DNAJC19: variants seen among roughly 807,000 people sequenced by gnomAD.
DNAJC19 encodes the protein mitochondrial import inner membrane translocase subunit TIM14.
Under a neutral mutation model 19.8 loss-of-function variants are expected in DNAJC19, and 15 were observed. That is an observed-to-expected ratio of 0.76 (90% CI 0.51 to 1.17). DNAJC19 has a LOEUF of 1.17. DNAJC19 is among the 50% of genes most tolerant of loss of function. DNAJC19 has a pLI of 0.00. For missense variants in DNAJC19, 105 were observed against 140.9 expected (o/e 0.75, Z 1.29); for synonymous variants, 38 against 42.1 (o/e 0.90, Z 0.38).
Position 180,985,891 on chromosome 3 carries a change from C to G in DNAJC19, c.280+35G>C, listed in dbSNP as rs1553783006. On this transcript the variant is annotated intron_variant, in intron 5 of 5. Coordinates refer to ENST00000382564, the MANE Select transcript of DNAJC19 (RefSeq NM_145261.4). ...ATCCCATTAATAACTATTGGTCACA[C>G]CAACAACATCAACGAGAATTTAATG... 8 of 1,575,292 alleles carry G rather than the reference C, an allele frequency of 5.1e-6. No homozygotes were observed. The South Asian group carries it at 8.9e-5, about 17-fold the overall frequency.
intron 5 of DNAJC19, chr3:180,985,595 T>A (rs1331781679): frequency 7.3e-6 from 2 of 273,046 alleles, no homozygotes; most frequent in South Asian, 4.6e-5. Flanking sequence ...CATAAGTTTC[T>A]ATCTAGGTAA....
At position 180,989,640 on chromosome 3, in the gene DNAJC19, G is replaced by C; in HGVS notation, c.-38C>G. ...GCTCCCTTGCTTCCACCGGGAGCACGGCTCATCCCAGCTCAGAGGCCGCGG... is the reference window on the plus strand; with the variant it reads ...GCTCCCTTGCTTCCACCGGGAGCACCGCTCATCCCAGCTCAGAGGCCGCGG... On this transcript the variant is annotated 5_prime_UTR_variant, in exon 1 of 6. Coordinates refer to ENST00000382564, the MANE Select transcript of DNAJC19 (RefSeq NM_145261.4). 2 of 1,582,526 alleles carry C rather than the reference G, an allele frequency of 1.3e-6. No homozygotes were observed. The highest frequency in any genetic ancestry group is 2.3e-5 in the East Asian group (1 of 43,326).
chr3:180,988,093 C>A lies in DNAJC19; in HGVS notation c.59G>T (p.Arg20Leu), dbSNP rs756192515. Residue 20 changes from arginine to leucine, a missense_variant, in exon 3 of 6, where the codon CGT becomes CTT. Physicochemically the swap from Arg to Leu is moderately radical, Grantham distance 102. Coordinates refer to ENST00000382564, the MANE Select transcript of DNAJC19 (RefSeq NM_145261.4). Reference protein sequence around the residue: ...LTIAAAGFAGRYVLQAMKHME... With the variant: ...LTIAAAGFAGLYVLQAMKHME... The stretch of plus-strand genomic sequence containing the variant: ...ATGCTTCATGGCTTGCAAAACGTAA[C>A]GGCCTAAAACCAAAAGCAACAGAAT... The A allele has an allele frequency of 1.9e-6, 3 of 1,614,126 alleles. No individual in the cohort carries two copies. In the South Asian group the frequency reaches 3.3e-5, roughly 18 times the overall value.
intron 1 of DNAJC19, 132 bp from the exon 2 acceptor site, chr3:180,988,361 T>C (rs537881208): frequency 7.0e-5 from 75 of 1,078,470 alleles, no homozygotes; most frequent in East Asian, 1.8e-4. Flanking sequence ...TTCTTTTTTT[T>C]TTTTTTTTTT....
chr3:180,984,854 T>C (rs762279722), intron 5 of DNAJC19, 144 bp from the exon 6 acceptor site: 2 of 596,592 alleles, frequency 3.4e-6, no homozygotes, highest in Non-Finnish European at 5.9e-6. Context: ...AAAATAACCC[T>C]GACACTGCAA....
At chr3:180,987,422 G>GAT (rs1255531694) in intron 3 of DNAJC19, 1 of 272,130 alleles carries the variant, frequency 3.7e-6, no homozygotes, top group Non-Finnish European at 7.1e-6. Context: ...AAGACTTTAA[G>GAT]ATATATATAC....
At chr3:180,987,643 TGTTTGGGA>T (rs1714979442) in intron 3 of DNAJC19, 1 of 329,994 alleles carries the variant, frequency 3.0e-6, no homozygotes, top group Admixed American at 4.4e-5. Context: ...CTATGTATGA[TGTTTGGGA>T]GTGCCAGGGC....
At position 180,988,024 on chromosome 3, in the gene DNAJC19, G is replaced by A. The variant is rs758145013; in HGVS notation, c.128C>T (p.Ser43Phe). 12 of 1,614,148 alleles carry A rather than the reference G, an allele frequency of 7.4e-6. No homozygotes were observed. Among genetic ancestry groups the A allele is most frequent in the Non-Finnish European group, 1.0e-5 (12 of 1,180,006 alleles). Residue 43 changes from serine to phenylalanine, a missense_variant and splice_region_variant, in exon 3 of 6, where the codon TCT (serine) becomes TTT (phenylalanine). Coordinates refer to ENST00000382564, the MANE Select transcript of DNAJC19 (RefSeq NM_145261.4). ...VKQVFQSLPK[S>F]AFSGGYYRGG... ...AGCAAAGAATTAACAAAGTCTTACA[G>A]ATTTTGGTAGGCTTTGAAAAACTTG... is the stretch of plus-strand genomic sequence containing the variant.
chr3:180,985,553 T>C (rs917075166), intron 5 of DNAJC19: 7 of 226,430 alleles, frequency 3.1e-5, no homozygotes, highest in Non-Finnish European at 4.4e-5. Flanking sequence ...CAAGGCTGCA[T>C]AGAAGTCTAT....
At chr3:180,987,708 G>A (rs1714982899) in intron 3 of DNAJC19, 1 of 396,740 alleles carries the variant, frequency 2.5e-6, no homozygotes, top group Non-Finnish European at 4.8e-6. Flanking sequence ...CTCTGTGTGT[G>A]CGATGCAGAG....
chr3:180,989,727 TACGCAAC>T lies in DNAJC19; in HGVS notation c.-132_-126del, dbSNP rs1245228772. 6.8e-7 allele frequency: 1 copy of T among 1,480,598 alleles called. No homozygotes were observed. Among genetic ancestry groups the T allele is most frequent in the Non-Finnish European group, 9.2e-7 (1 of 1,090,728 alleles). 91.7% of individuals were successfully genotyped at this position (1,480,598 alleles called of 1,614,324 possible). On this transcript the variant is annotated 5_prime_UTR_variant, in exon 1 of 6. Coordinates refer to ENST00000382564, the MANE Select transcript of DNAJC19 (RefSeq NM_145261.4). ...CCCCCAACCTCAAGCACAGGCGCCC[TACGCAAC>T]ACGGCAGGAGCAGCCGCAAACTAGG...
chr3:180,988,730 G>A (rs1019130620), intron 1 of DNAJC19, among the ~76,000 whole-genome samples: 3 of 151,956 alleles, frequency 2.0e-5, no homozygotes, highest in Non-Finnish European at 4.4e-5. Context: ...TAGGCCAGGC[G>A]CGGTGGCTCA....
At position 180,985,867 on chromosome 3, in the gene DNAJC19, T is replaced by C. The variant is rs960731689; in HGVS notation, c.280+59A>G. 10 of 1,390,670 alleles carry C rather than the reference T, an allele frequency of 7.2e-6. No individual in the cohort carries two copies. The East Asian group carries it at 2.1e-4, about 29-fold the overall frequency. The allele number at this position is 1,390,670 out of a possible 1,614,324, so 86.1% of individuals were successfully genotyped here. On this transcript the variant is annotated intron_variant, in intron 5 of 5. Transcript: ENST00000382564. ...TAGCCAGGAATTTGAGATAAAATTA[T>C]CCCATTAATAACTATTGGTCACACC...
At chr3:180,986,796 T>C (rs772961331) in intron 4 of DNAJC19, 147 bp downstream of exon 4, 6 of 706,790 alleles carry the variant, frequency 8.5e-6, no homozygotes, top group Non-Finnish European at 1.5e-5. Context: ...AACAGTACAG[T>C]TTCATTGATT....
chr3:180,989,384 C>G, intron 1 of DNAJC19: 4 of 1,433,730 alleles, frequency 2.8e-6, no homozygotes, highest in Non-Finnish European at 3.6e-6. Flanking sequence ...GGACAAGAAG[C>G]TGGAGAACCG....
Position 180,985,962 on chromosome 3 carries a change from G to T in DNAJC19, c.244C>A (p.His82Asn). The T allele has an allele frequency of 1.2e-6, 2 of 1,613,548 alleles. No individual in the cohort carries two copies. The highest frequency in any genetic ancestry group is 1.3e-5 in the African/African-American group (1 of 75,030). The change falls in exon 5 of 6, where the codon CAT becomes AAT. Residue 82 changes from histidine (H) to asparagine (N), a missense_variant. Coordinates refer to ENST00000382564, the MANE Select transcript of DNAJC19 (RefSeq NM_145261.4). ...TGATTTAAAAGCATAATTCGTCGATGAGCATCTCTTATTTTCCCTTTATTG... is the reference window on the plus strand; with the variant it reads ...TGATTTAAAAGCATAATTCGTCGATTAGCATCTCTTATTTTCCCTTTATTG... ...TANKGKIRDAHRRIMLLNHPD... is the reference protein window; with the variant it reads ...TANKGKIRDANRRIMLLNHPD...
At chr3:180,988,742 G>C (rs1715042729) in intron 1 of DNAJC19, among the ~76,000 whole-genome samples, 1 of 151,854 alleles carries the variant, frequency 6.6e-6, no homozygotes, top group Non-Finnish European at 1.5e-5. Context: ...GGTGGCTCAC[G>C]CCTGTAATTC....
Position 180,986,817 on chromosome 3 carries a change from A to G in DNAJC19, c.209+126T>C. ...ACAGTTTCATTGATTAGAATTGGTA[A>G]TATCAATCTTCCTAGGACAAAATCC... On this transcript the variant is annotated intron_variant, in intron 4 of 5. Coordinates refer to ENST00000382564, the MANE Select transcript of DNAJC19 (RefSeq NM_145261.4). The G allele has an allele frequency of 3.8e-6, 3 of 780,020 alleles. No homozygotes were observed. In the South Asian group the frequency reaches 4.5e-5, roughly 12 times the overall value. The allele number at this position is 780,020 out of a possible 1,614,324, so 48.3% of individuals were successfully genotyped here. A position where few individuals can be genotyped will look rare whatever the true frequency, so the allele number is the denominator to read the frequency against.
Position 180,988,221 on chromosome 3 carries a change from T to C in DNAJC19, c.12A>G (p.Thr4=). The C allele has an allele frequency of 6.2e-7, 1 of 1,614,192 alleles. No homozygotes were observed. ...CAATGGTCAGTCCAACTGCTACCAC[T>C]GTACTGGCCTGGTAAGGGGGAGAAG... MAS[T]VVAVGLTIAA... is the part of the protein sequence containing the mutation. The change falls in exon 2 of 6, where the codon ACA becomes ACG. Residue 4 remains threonine, a synonymous_variant. Coordinates refer to ENST00000382564, the MANE Select transcript of DNAJC19 (RefSeq NM_145261.4).
Sources: gnomAD v4.1 joint callset for allele counts (sites outside exome capture counted in the v4.1 genomes callset) on GRCh38, gnomAD v4.1.1 for gene constraint, MANE v1.5 for transcripts, NCBI Gene and HGNC (gene_info 2026-07-23, HGNC 2026-07-21) for gene names.